The following VPS41 variants were observed in gnomAD, a reference collection of about 807,000 sequenced individuals.
VPS41 encodes the protein VPS41 subunit of HOPS complex.
VPS41 carries 85 observed loss-of-function variants against 130.9 expected under a neutral mutation model. The observed-to-expected ratio is 0.65, with a 90% CI of 0.55 to 0.78. The LOEUF is 0.78. VPS41 is among the 30% of genes least tolerant of loss of function. The pLI is 0.00. For missense variants in VPS41, 874 were observed against 1,018.7 expected, an observed-to-expected ratio of 0.86 and a Z score of 1.93; for synonymous variants, 335 against 332.9, an observed-to-expected ratio of 1.01 and a Z score of -0.07.
intron 5 of VPS41, among the ~76,000 whole-genome samples, chr7:38,826,364 T>C (rs1241054905): frequency 6.6e-6 from 1 of 152,228 alleles, no homozygotes; most frequent in African/African-American, 2.4e-5. Context: ...AAAAAAGTCC[T>C]GCAGAACATT....
intron 22 of VPS41, 78 bp from the exon 23 acceptor site, chr7:38,745,691 C>A: frequency 8.9e-7 from 1 of 1,120,646 alleles, no homozygotes; most frequent in Non-Finnish European, 1.3e-6. Flanking sequence ...TTTAAACTTA[C>A]ACTTGAAAGA....
chr7:38,785,587 G>A (rs4720303), intron 10 of VPS41, among the ~76,000 whole-genome samples: 108,806 of 152,142 alleles, frequency 0.72, 40,592 homozygotes, highest in African/African-American at 0.91. Context: ...TAGTGAGTAT[G>A]TTACAGCACA....
intron 1 of VPS41, among the ~76,000 whole-genome samples, chr7:38,904,238 T>C (rs1787206301): frequency 6.6e-6 from 1 of 152,196 alleles, no homozygotes; most frequent in Admixed American, 6.5e-5. Context: ...CTCCAAGGTG[T>C]TAATGTGGGC....
chr7:38,813,699 A>G (rs1784987152), intron 7 of VPS41, among the ~76,000 whole-genome samples: 1 of 151,846 alleles, frequency 6.6e-6, no homozygotes, highest in Admixed American at 6.6e-5. Context: ...TCTTCAGTGT[A>G]TGTTTTCTTT....
chr7:38,795,560 G>T lies in VPS41; in HGVS notation c.622C>A (p.Arg208=). The change falls in exon 9 of 29, where the codon CGG becomes AGG. Residue 208 remains arginine, a synonymous_variant. Transcript: ENST00000310301. ...TCTGGGCGAAGACTTATATCATCCC[G>T]GGGCACATTGGTGATTCTTTGCTTT... ...ISKQRITNVP[R]DDISLRPDMY... 6.2e-7 allele frequency: 1 copy of T among 1,613,154 alleles called. No homozygotes were observed. The highest frequency in any genetic ancestry group is 8.5e-7 in the Non-Finnish European group (1 of 1,179,404).
At chr7:38,880,515 A>C (rs1349289958) in intron 2 of VPS41, among the ~76,000 whole-genome samples, 1 of 152,186 alleles carries the variant, frequency 6.6e-6, no homozygotes, top group Non-Finnish European at 1.5e-5. Context: ...ACAACTGCCC[A>C]ATCACTGGTG....
intron 22 of VPS41, among the ~76,000 whole-genome samples, chr7:38,747,349 T>A (rs114639121): frequency 0.012 from 1,854 of 152,126 alleles, 53 homozygotes; most frequent in African/African-American, 0.041. Context: ...ATACAGATAG[T>A]TTATAGTTGA....
chr7:38,815,802 A>G (rs1785036057), intron 7 of VPS41, among the ~76,000 whole-genome samples: 1 of 152,160 alleles, frequency 6.6e-6, no homozygotes, highest in South Asian at 2.1e-4. Context: ...GCCCTTGAAC[A>G]TCAGACTCCA....
intron 2 of VPS41, among the ~76,000 whole-genome samples, chr7:38,877,030 G>T (rs1040757183): frequency 2.0e-5 from 3 of 152,056 alleles, no homozygotes; most frequent in Non-Finnish European, 4.4e-5. Context: ...GACAATTTCC[G>T]CCACTAAAGC....
chr7:38,743,542 C>T lies in VPS41; in HGVS notation c.1982G>A (p.Ser661Asn). The T allele has an allele frequency of 1.2e-6, 2 of 1,613,234 alleles. No individual in the cohort carries two copies. The highest frequency in any genetic ancestry group is 1.7e-6 in the Non-Finnish European group (2 of 1,179,506). The change falls in exon 24 of 29, where the codon AGC becomes AAC. Residue 661 changes from serine (S) to asparagine (N), a missense_variant and splice_region_variant. Physicochemically the swap from Ser to Asn is conservative, Grantham distance 46 (BLOSUM62 1). Transcript: ENST00000310301. ...GGCACTTCGGCTATTACCCATTCGG[C>T]CTTGGTGGGGTGAAGATGGGAGAAA... is the stretch of plus-strand genomic sequence containing the variant. ...NFVEETVYLL[S>N]RMGNSRSALK...
Position 38,758,475 on chromosome 7 carries a change from C to A in VPS41, c.1429G>T (p.Ala477Ser). 1 of 1,609,342 alleles carries A rather than the reference C, an allele frequency of 6.2e-7. No homozygotes were observed. The highest frequency in any genetic ancestry group is 1.1e-5 in the South Asian group (1 of 89,622). The change falls in exon 18 of 29, where the codon GCC becomes TCC. Residue 477 changes from alanine to serine, a missense_variant. Physicochemically the swap from Ala to Ser is moderately conservative, Grantham distance 99. Coordinates refer to ENST00000310301, the MANE Select transcript of VPS41 (RefSeq NM_014396.4). ...EFLESDYEGFATLIREWPGDL... is the reference protein window; with the variant it reads ...EFLESDYEGFSTLIREWPGDL... ...CCAGGCCATTCTCGGATCAATGTGGCAAAACCCTAACCAAAGGTGAAAAAC... is the reference window on the plus strand; with the variant it reads ...CCAGGCCATTCTCGGATCAATGTGGAAAAACCCTAACCAAAGGTGAAAAAC...
chr7:38,877,283 G>A (rs1168366017), intron 2 of VPS41, among the ~76,000 whole-genome samples: 1 of 152,074 alleles, frequency 6.6e-6, no homozygotes, highest in Non-Finnish European at 1.5e-5. Context: ...TTAACCAAAG[G>A]AACCTCAGAG....
Position 38,763,445 on chromosome 7 carries a change from A to G in VPS41, c.1422+10T>C, listed in dbSNP as rs200345065. 7 of 1,571,138 alleles carry G rather than the reference A, an allele frequency of 4.5e-6. No homozygotes were observed. In the South Asian group the frequency reaches 7.0e-5, roughly 16 times the overall value. On this transcript the variant is annotated intron_variant, in intron 17 of 28. Transcript: ENST00000310301. The stretch of plus-strand genomic sequence containing the variant: ...GAACAAGTAAATATGACCACATCAG[A>G]ACACCATACCTCATAATCACTCTCC...
intron 3 of VPS41, among the ~76,000 whole-genome samples, chr7:38,863,045 T>C (rs1786155017): frequency 1.3e-5 from 2 of 152,190 alleles, no homozygotes; most frequent in Admixed American, 6.5e-5. Flanking sequence ...GCTGCACACA[T>C]ACACAAACAA....
At chr7:38,799,014 G>C (rs944493683) in intron 7 of VPS41, among the ~76,000 whole-genome samples, 1 of 152,046 alleles carries the variant, frequency 6.6e-6, no homozygotes, top group African/African-American at 2.4e-5. Context: ...AGTGTAATGG[G>C]GCAGGAACGA....
At chr7:38,728,517 A>AT (rs765613044) in intron 27 of VPS41, 25 bp downstream of exon 27, 9 of 1,613,774 alleles carry the variant, frequency 5.6e-6, no homozygotes, top group African/African-American at 1.3e-5. Flanking sequence ...CATGTTTGGG[A>AT]TTTTTTTGGG....
chr7:38,796,232 G>A (rs1784616024), intron 8 of VPS41, among the ~76,000 whole-genome samples: 1 of 152,152 alleles, frequency 6.6e-6, no homozygotes, highest in Non-Finnish European at 1.5e-5. Flanking sequence ...ATGTCAAAAA[G>A]ACCATTTTTA....
intron 13 of VPS41, among the ~76,000 whole-genome samples, chr7:38,772,002 A>G (rs1784163510): frequency 7.3e-6 from 1 of 137,022 alleles, no homozygotes; most frequent in African/African-American, 3.6e-5. Flanking sequence ...AGCCCATCTA[A>G]GAACGTAACT....
At chr7:38,784,630 T>C (rs1784406088) in intron 10 of VPS41, among the ~76,000 whole-genome samples, 1 of 120,078 alleles carries the variant, frequency 8.3e-6, no homozygotes, top group South Asian at 3.0e-4. Context: ...CAAGACCCTA[T>C]ATCGAAAGAA....
Sources: allele counts gnomAD v4.1 joint callset (sites outside exome capture counted in the v4.1 genomes callset), GRCh38; gene constraint gnomAD v4.1.1; transcripts MANE v1.5; gene names NCBI Gene and HGNC (gene_info 2026-07-23, HGNC 2026-07-21).